TBCE: variants seen among roughly 807,000 people sequenced by gnomAD.
The protein encoded by TBCE is tubulin-specific chaperone E.
In TBCE, 53 loss-of-function variants were observed where a neutral mutation model predicts 77.0. The ratio of observed to expected loss-of-function variants is 0.69; its 90% CI spans 0.55 to 0.87. The LOEUF (loss-of-function observed/expected upper bound fraction) is 0.87, where lower values mean the gene tolerates loss of function less well. TBCE is among the 40% of genes least tolerant of loss of function. TBCE has a pLI of 0.00. For synonymous variants in TBCE, 235 were observed against 241.3 expected (o/e 0.97, Z 0.24); for missense variants, 624 against 622.4 (o/e 1.00, Z -0.03).
At position 235,380,160 on chromosome 1, in the gene TBCE, ATTGTGTGTGTGTGTGTGT is replaced by A. The variant is rs1677540879; in HGVS notation, c.100+12_100+29del. ...TCCCTCCCGTGGCAGGTAAGCAATT[ATTGTGTGTGTGTGTGTGT>A]GTGTGTGTGTGTGTGTGTGTGTGTG... On this transcript the variant is annotated intron_variant, in intron 2 of 16. Coordinates refer to ENST00000642610, the MANE Select transcript of TBCE (RefSeq NM_003193.5). 2.2e-6 allele frequency: 3 copies of A among 1,358,410 alleles called. No homozygotes were observed. The highest frequency in any genetic ancestry group is 3.1e-6 in the Non-Finnish European group (3 of 976,374). 84.1% of individuals were successfully genotyped at this position (1,358,410 alleles called of 1,614,324 possible).
chr1:235,399,498 G>A (rs1245347668), intron 2 of TBCE, among the ~76,000 whole-genome samples: 2 of 125,868 alleles, frequency 1.6e-5, no homozygotes, highest in Non-Finnish European at 3.5e-5. Context: ...AGACCCTCCC[G>A]GAGAGGCTCC....
chr1:235,437,326 C>G lies in TBCE; in HGVS notation c.968C>G (p.Ser323Trp), dbSNP rs373781951. 2 of 1,613,862 alleles carry G rather than the reference C, an allele frequency of 1.2e-6. No homozygotes were observed. Among genetic ancestry groups the G allele is most frequent in the Non-Finnish European group, 1.7e-6 (2 of 1,179,974 alleles). The change falls in exon 12 of 17, where the codon TCG becomes TGG. Residue 323 changes from serine (S) to tryptophan (W), a missense_variant. By Grantham distance (177) the Ser-to-Trp change is radical (BLOSUM62 -3). Transcript: ENST00000642610. ...TTTCCTTTTGCTGTGTTTCAGTGGT[C>G]GTTTTTCAATGAGCTAGAGAAGTTA... ...VVNDNQISQWSFFNELEKLPS... is the reference protein window; with the variant it reads ...VVNDNQISQWWFFNELEKLPS...
chr1:235,445,436 C>G lies in TBCE; in HGVS notation c.1399+2525C>G, dbSNP rs559725933. 5.1e-4 allele frequency among the ~76,000 whole-genome samples: 78 copies of G among 152,222 alleles called. No individual in the cohort carries two copies. In the Middle Eastern group the frequency reaches 0.014, roughly 27 times the overall value. ...TTGAGCCCAGGAGTTCGAGACCAGC[C>G]TGAGCAACATGGTGAAACCCCGTCT... On this transcript the variant is annotated intron_variant, in intron 15 of 16. Coordinates refer to ENST00000642610, the MANE Select transcript of TBCE (RefSeq NM_003193.5).
intron 5 of TBCE, among the ~76,000 whole-genome samples, chr1:235,420,051 C>T (rs953700646): frequency 9.3e-5 from 14 of 150,540 alleles, no homozygotes; most frequent in Non-Finnish European, 1.6e-4. Flanking sequence ...CGCCAGTGCA[C>T]TCAGCCTGGA....
intron 15 of TBCE, among the ~76,000 whole-genome samples, chr1:235,447,959 C>G (rs759673407): frequency 6.6e-6 from 1 of 151,876 alleles, no homozygotes; most frequent in South Asian, 2.1e-4. Context: ...GCTTGTAATC[C>G]CAGCACTTTG....
At chr1:235,430,914 C>A in intron 7 of TBCE, 110 bp downstream of exon 7, 1 of 893,214 alleles carries the variant, frequency 1.1e-6, no homozygotes, top group Non-Finnish European at 1.8e-6. Context: ...TCATTTAAAT[C>A]ATCCCAGTAT....
intron 1 of TBCE, among the ~76,000 whole-genome samples, chr1:235,373,536 A>C (rs1156896139): frequency 2.0e-5 from 3 of 151,590 alleles, no homozygotes; most frequent in Non-Finnish European, 4.4e-5. Context: ...CTCCGCCTCC[A>C]GGGTTCAAGC....
At chr1:235,427,580 G>T (rs951290957) in intron 6 of TBCE, among the ~76,000 whole-genome samples, 1 of 152,168 alleles carries the variant, frequency 6.6e-6, no homozygotes, top group African/African-American at 2.4e-5. Flanking sequence ...ACAGTAAGGA[G>T]CAGACAAGAT....
intron 1 of TBCE, among the ~76,000 whole-genome samples, chr1:235,377,032 C>G (rs1399788416): frequency 6.6e-6 from 1 of 152,082 alleles, no homozygotes; most frequent in African/African-American, 2.4e-5. Flanking sequence ...GAGATTATTT[C>G]TCTTTTGCTT....
chr1:235,395,093 T>C (rs976475050), intron 2 of TBCE, among the ~76,000 whole-genome samples: 1 of 152,244 alleles, frequency 6.6e-6, no homozygotes, highest in Non-Finnish European at 1.5e-5. Context: ...TTTTGTTTTC[T>C]GGTTTGGGGA....
intron 1 of TBCE, among the ~76,000 whole-genome samples, chr1:235,369,336 G>A (rs370694907): frequency 2.7e-5 from 4 of 150,694 alleles, no homozygotes; most frequent in African/African-American, 7.3e-5. Flanking sequence ...GTGAAACCCC[G>A]TCTCTACTAA....
rs189347696 is a variant in TBCE, at chr1:235,402,888, C to T, written c.185+1301C>T. ...TCAAGCGATCCTCCCACCTCGGCTTCTCAAAGTGCTGGGATTACAGATGTG... is the reference window on the plus strand; with the variant it reads ...TCAAGCGATCCTCCCACCTCGGCTTTTCAAAGTGCTGGGATTACAGATGTG... On this transcript the variant is annotated intron_variant, in intron 3 of 16. Coordinates refer to ENST00000642610, the MANE Select transcript of TBCE (RefSeq NM_003193.5). Among the ~76,000 whole-genome samples, 548 of 152,296 alleles carry T rather than the reference C, an allele frequency of 3.6e-3. 4 individuals carry two copies. The highest frequency in any genetic ancestry group is 0.013 in the African/African-American group (525 of 41,556).
intron 3 of TBCE, among the ~76,000 whole-genome samples, chr1:235,412,362 C>T (rs968030263): frequency 6.9e-6 from 1 of 144,940 alleles, no homozygotes; most frequent in Non-Finnish European, 1.5e-5. Flanking sequence ...TTCCAAGTAG[C>T]GAAACTCCAG....
At chr1:235,397,807 A>G (rs1035895562) in intron 2 of TBCE, among the ~76,000 whole-genome samples, 1 of 152,198 alleles carries the variant, frequency 6.6e-6, no homozygotes, top group Admixed American at 6.5e-5. Flanking sequence ...GAAAGCAAAA[A>G]TCTGGATCTT....
intron 2 of TBCE, among the ~76,000 whole-genome samples, chr1:235,398,328 T>C (rs1678872711): frequency 6.6e-6 from 1 of 151,828 alleles, no homozygotes; most frequent in South Asian, 2.1e-4. Context: ...CTATTTTTAG[T>C]AGAGATGGGG....
chr1:235,400,617 GTC>G (rs934840336), intron 2 of TBCE, among the ~76,000 whole-genome samples: 3 of 151,520 alleles, frequency 2.0e-5, no homozygotes, highest in Non-Finnish European at 4.4e-5. Context: ...AGCCAGGATG[GTC>G]TCGAACTCCT....
chr1:235,410,687 A>G (rs1224800012), intron 3 of TBCE, among the ~76,000 whole-genome samples: 1 of 152,138 alleles, frequency 6.6e-6, no homozygotes, highest in African/African-American at 2.4e-5. Context: ...CTCTGGTTCA[A>G]ACGTCTCTGA....
rs1464549261 is a variant in TBCE at position 235,427,367 on chromosome 1, T to G, written c.560+128T>G. 7 of 735,774 alleles carry G rather than the reference T, an allele frequency of 9.5e-6. No individual in the cohort carries two copies. The African/African-American group carries it at 1.2e-4, about 13-fold the overall frequency. The allele number at this position is 735,774 out of a possible 1,614,324, so 45.6% of individuals were successfully genotyped here. ...AGGCTGCCACCTGATGATACAGGAGTTAAGAAGGAATTACTCAGGCTGATA... is the reference window on the plus strand; with the variant it reads ...AGGCTGCCACCTGATGATACAGGAGGTAAGAAGGAATTACTCAGGCTGATA... On this transcript the variant is annotated intron_variant, in intron 6 of 16. Coordinates refer to ENST00000642610, the MANE Select transcript of TBCE (RefSeq NM_003193.5).
intron 3 of TBCE, 43 bp downstream of exon 3, chr1:235,401,630 T>C (rs759747315): frequency 6.7e-7 from 1 of 1,486,842 alleles, no homozygotes; most frequent in Non-Finnish European, 9.4e-7. Context: ...TAGTCAAGAT[T>C]ATATTTAATA....
Sources: allele counts gnomAD v4.1 joint callset (sites outside exome capture counted in the v4.1 genomes callset), GRCh38; gene constraint gnomAD v4.1.1; transcripts MANE v1.5; gene names NCBI Gene and HGNC (gene_info 2026-07-23, HGNC 2026-07-21).